The following ARB2A variants were observed in gnomAD, a reference collection of about 807,000 sequenced individuals.
The protein encoded by ARB2A is ARB2 cotranscriptional regulator A.
chr5:93,813,784 T>C, the ARB2A span, among the ~76,000 whole-genome samples: 3 of 152,168 alleles, frequency 2.0e-5, no homozygotes, highest in Non-Finnish European at 2.9e-5. Flanking sequence ...TACTCTATAA[T>C]ATTTTTGTTA....
At chr5:93,897,161 A>T in the ARB2A span, among the ~76,000 whole-genome samples, 1 of 151,974 alleles carries the variant, frequency 6.6e-6, no homozygotes, top group Non-Finnish European at 1.5e-5. Flanking sequence ...AGTGTCCAAA[A>T]TATCCCGGAT....
At chr5:93,828,051 A>T in the ARB2A span, among the ~76,000 whole-genome samples, 9 of 152,100 alleles carry the variant, frequency 5.9e-5, no homozygotes, top group African/African-American at 1.9e-4. Flanking sequence ...TTCTTTTGGC[A>T]TAGGATTGAC....
chr5:93,865,356 C>G, the ARB2A span: 3 of 981,890 alleles, frequency 3.1e-6, no homozygotes, highest in Non-Finnish European at 3.6e-6. Context: ...GCTGGGATTA[C>G]AGCATGAGCC....
chr5:93,621,806 T>C, the ARB2A span, among the ~76,000 whole-genome samples: 1 of 152,192 alleles, frequency 6.6e-6, no homozygotes, highest in African/African-American at 2.4e-5. Flanking sequence ...CGCCTTGAAG[T>C]GTCCTGGCGG....
At chr5:93,866,283 G>T in the ARB2A span, 8 of 982,110 alleles carry the variant, frequency 8.1e-6, no homozygotes, top group South Asian at 3.3e-4. Context: ...TCACAATTCA[G>T]ATATAATGCA....
the ARB2A span, among the ~76,000 whole-genome samples, chr5:93,772,549 A>G: frequency 6.6e-6 from 1 of 152,238 alleles, no homozygotes; most frequent in Non-Finnish European, 1.5e-5. Context: ...AAAATTTGGC[A>G]GCTTAAAACA....
chr5:93,802,186 A>G, the ARB2A span, among the ~76,000 whole-genome samples: 1 of 152,198 alleles, frequency 6.6e-6, no homozygotes, highest in African/African-American at 2.4e-5. Flanking sequence ...TCTTATAAGA[A>G]AATTTAAGTT....
the ARB2A span, among the ~76,000 whole-genome samples, chr5:93,650,031 CAAAGAAA>C: frequency 1.3e-5 from 2 of 150,554 alleles, no homozygotes; most frequent in African/African-American, 4.9e-5. Context: ...ACTGAGTATG[CAAAGAAA>C]AAAGAAAGGA....
the ARB2A span, among the ~76,000 whole-genome samples, chr5:93,764,516 G>T: frequency 1.3e-5 from 2 of 152,164 alleles, no homozygotes; most frequent in Non-Finnish European, 2.9e-5. Context: ...TTGAATCTCT[G>T]AATAGACCAA....
chr5:94,022,934 A>G, the ARB2A span, among the ~76,000 whole-genome samples: 2 of 152,196 alleles, frequency 1.3e-5, no homozygotes, highest in South Asian at 2.1e-4. Context: ...GGATTTGAGG[A>G]TGATGACGTT....
the ARB2A span, among the ~76,000 whole-genome samples, chr5:94,102,804 G>T: frequency 6.6e-6 from 1 of 151,962 alleles, no homozygotes; most frequent in Non-Finnish European, 1.5e-5. Context: ...ACCCCATCAG[G>T]CTAACAGCTG....
the ARB2A span, among the ~76,000 whole-genome samples, chr5:94,096,529 T>C: frequency 2.0e-5 from 3 of 152,186 alleles, no homozygotes; most frequent in African/African-American, 7.2e-5. Context: ...GTGGTTATAA[T>C]CATCCCTATA....
chr5:94,015,165 A>C, the ARB2A span, among the ~76,000 whole-genome samples: 1 of 152,138 alleles, frequency 6.6e-6, no homozygotes, highest in African/African-American at 2.4e-5. Context: ...AGAAGTAAAT[A>C]ACATGTAAAA....
chr5:93,630,641 G>A, the ARB2A span, among the ~76,000 whole-genome samples: 3 of 152,182 alleles, frequency 2.0e-5, no homozygotes, highest in Non-Finnish European at 4.4e-5. Flanking sequence ...TGGAACTTGG[G>A]GCAGTTTAAG....
chr5:93,945,269 C>A, the ARB2A span, among the ~76,000 whole-genome samples: 1 of 152,080 alleles, frequency 6.6e-6, no homozygotes, highest in Non-Finnish European at 1.5e-5. Flanking sequence ...CAAAAATTAG[C>A]CAGGTGTGGT....
chr5:94,066,005 CA>C, the ARB2A span, among the ~76,000 whole-genome samples: 28 of 149,610 alleles, frequency 1.9e-4, no homozygotes, highest in African/African-American at 6.1e-4. Context: ...CAAATTTTAC[CA>C]AAAAAAAATC....
the ARB2A span, among the ~76,000 whole-genome samples, chr5:93,782,989 T>C: frequency 6.6e-6 from 1 of 152,164 alleles, no homozygotes; most frequent in South Asian, 2.1e-4. Flanking sequence ...AACTGCTGTC[T>C]AGTCAATTAG....
chr5:93,806,109 C>T, the ARB2A span, among the ~76,000 whole-genome samples: 2 of 151,706 alleles, frequency 1.3e-5, no homozygotes, highest in East Asian at 1.9e-4. Context: ...AATGTACAAA[C>T]ACTATACAAT....
the ARB2A span, among the ~76,000 whole-genome samples, chr5:93,825,042 T>A: frequency 6.6e-6 from 1 of 152,200 alleles, no homozygotes; most frequent in Admixed American, 6.5e-5. Context: ...TCTTCAGGAT[T>A]GTACTGGTAA....
Sources: allele counts gnomAD v4.1 joint callset (sites outside exome capture counted in the v4.1 genomes callset), GRCh38; gene constraint gnomAD v4.1.1; transcripts MANE v1.5; gene names NCBI Gene and HGNC (gene_info 2026-07-23, HGNC 2026-07-21).